CRTC1: variants seen among roughly 807,000 people sequenced by gnomAD.
The protein encoded by CRTC1 is CREB-regulated transcription coactivator 1.
A neutral mutation model predicts 66.1 loss-of-function variants in CRTC1; 18 were observed. The observed-to-expected ratio is 0.27, with a 90% CI of 0.19 to 0.40. The LOEUF (loss-of-function observed/expected upper bound fraction) is 0.40, where lower values mean the gene tolerates loss of function less well. CRTC1 is among the 10% of genes least tolerant of loss of function. CRTC1 has a pLI of 1.00. For synonymous variants in CRTC1, 416 were observed against 398.8 expected, an observed-to-expected ratio of 1.04 and a Z score of -0.51; for missense variants, 669 against 887.9, an observed-to-expected ratio of 0.75 and a Z score of 3.13.
intron 3 of CRTC1, among the ~76,000 whole-genome samples, 163 bp downstream of exon 3, chr19:18,746,123 G>GA (rs1568518779): frequency 6.6e-6 from 1 of 152,212 alleles, no homozygotes; most frequent in African/African-American, 2.4e-5. Context: ...CAGCCTGGGG[G>GA]ACTTCCTGGA....
chr19:18,714,060 A>G (rs9304955), intron 1 of CRTC1, among the ~76,000 whole-genome samples: 90,403 of 152,002 alleles, frequency 0.59, 28,589 homozygotes, highest in East Asian at 0.9. Flanking sequence ...GGGAGGGCAC[A>G]CCAGGCCCCA....
chr19:18,765,106 G>A (rs2054699204), intron 8 of CRTC1, among the ~76,000 whole-genome samples: 1 of 152,154 alleles, frequency 6.6e-6, no homozygotes, highest in South Asian at 2.1e-4. Context: ...GGCCAGCCTG[G>A]TTACATGCCC....
chr19:18,713,315 A>G (rs1346042925), intron 1 of CRTC1, among the ~76,000 whole-genome samples: 1 of 151,990 alleles, frequency 6.6e-6, no homozygotes, highest in Non-Finnish European at 1.5e-5. Flanking sequence ...GCCTGTTTCC[A>G]CCTTTTGGCT....
chr19:18,743,081 C>T (rs2054146389), intron 2 of CRTC1, 55 bp downstream of exon 2: 2 of 1,324,802 alleles, frequency 1.5e-6, no homozygotes, highest in Non-Finnish European at 2.2e-6. Context: ...CCCCAGCCTC[C>T]CACTGGGGGC....
At chr19:18,752,648 T>TC (rs2054392181) in intron 5 of CRTC1, among the ~76,000 whole-genome samples, 1 of 150,982 alleles carries the variant, frequency 6.6e-6, no homozygotes, top group East Asian at 2.0e-4. Flanking sequence ...TTTCTTTCTT[T>TC]TTTTTTTTTT....
At chr19:18,700,695 C>T (rs1740881082) in intron 1 of CRTC1, among the ~76,000 whole-genome samples, 1 of 152,156 alleles carries the variant, frequency 6.6e-6, no homozygotes, top group Admixed American at 6.5e-5. Flanking sequence ...ATCAGCACAG[C>T]CTAGCAGGGC....
Position 18,774,881 on chromosome 19 carries a change from G to T in CRTC1, c.1426-19G>T, listed in dbSNP as rs1568543743. The T allele has an allele frequency of 6.2e-7, 1 of 1,609,268 alleles. No homozygotes were observed. Among genetic ancestry groups the T allele is most frequent in the Non-Finnish European group, 8.5e-7 (1 of 1,179,412 alleles). On this transcript the variant is annotated intron_variant, in intron 11 of 13. Coordinates refer to ENST00000321949, the MANE Select transcript of CRTC1 (RefSeq NM_015321.3). ...TGGCCTCAGGCCGTGACCACAGCAG[G>T]CCTCTCTTCTGTCTGCAGCACACTT...
At position 18,749,140 on chromosome 19, in the gene CRTC1, C is replaced by T. The variant is rs56137518; in HGVS notation, c.444-641C>T. 2.0e-3 allele frequency among the ~76,000 whole-genome samples: 302 copies of T among 152,232 alleles called. 1 individual carries two copies. The highest frequency in any genetic ancestry group is 2.7e-3 in the Non-Finnish European group (183 of 68,010). ...CCCCATCAGTTCCTAGAGGGAAATG[C>T]GGTCCCTGGAGGTAGAGGGAAGAGC... On this transcript the variant is annotated intron_variant, in intron 4 of 13. Coordinates refer to ENST00000321949, the MANE Select transcript of CRTC1 (RefSeq NM_015321.3).
chr19:18,758,971 G>T (rs1229030283), intron 6 of CRTC1, among the ~76,000 whole-genome samples: 1 of 152,212 alleles, frequency 6.6e-6, no homozygotes, highest in African/African-American at 2.4e-5. Flanking sequence ...CTTAGCAGAG[G>T]CCCCTCTACT....
chr19:18,726,117 C>T (rs771469574), intron 1 of CRTC1, among the ~76,000 whole-genome samples: 7 of 152,274 alleles, frequency 4.6e-5, no homozygotes, highest in South Asian at 4.1e-4. Flanking sequence ...AACATCTTTG[C>T]GCATAAATCT....
chr19:18,735,573 C>CA (rs2053979954), intron 1 of CRTC1: 2 of 152,602 alleles, frequency 1.3e-5, no homozygotes, highest in African/African-American at 4.8e-5. Flanking sequence ...CTCTGGGCAG[C>CA]ATGGGCAGGT....
At position 18,767,934 on chromosome 19, in the gene CRTC1, CAG is replaced by C. The variant is rs749582935; in HGVS notation, c.1012-550_1012-549del. ...CCCTGGCTGTGAGTTTCCACACAGA[CAG>C]TGAACGTCACACACTTCCCTCTTAT... On this transcript the variant is annotated intron_variant, in intron 9 of 13. Transcript: ENST00000321949. Among the ~76,000 whole-genome samples, 126 of 152,362 alleles carry C rather than the reference CAG, an allele frequency of 8.3e-4. 1 individual carries two copies. Among genetic ancestry groups the C allele is most frequent in the Non-Finnish European group, 1.5e-3 (100 of 68,026 alleles).
intron 1 of CRTC1, among the ~76,000 whole-genome samples, chr19:18,717,501 C>G (rs1316453515): frequency 2.0e-5 from 3 of 152,094 alleles, no homozygotes; most frequent in Admixed American, 6.5e-5. Flanking sequence ...CAAACACTGT[C>G]CCCTCAGAAG....
At chr19:18,750,005 T>G (rs2054328424) in intron 5 of CRTC1, 130 bp downstream of exon 5, 6 of 737,068 alleles carry the variant, frequency 8.1e-6, no homozygotes, top group African/African-American at 1.7e-5. Flanking sequence ...TGCTGAGGGA[T>G]CGGGGGAGGG....
chr19:18,767,611 G>A lies in CRTC1; in HGVS notation c.1012-874G>A, dbSNP rs149780459. 5.0e-3 allele frequency among the ~76,000 whole-genome samples: 758 copies of A among 152,094 alleles called. 5 individuals are homozygous for A. Among genetic ancestry groups the A allele is most frequent in the Non-Finnish European group, 8.7e-3 (595 of 68,004 alleles). Reference sequence around the variant, plus strand: ...CGGACTCCATTTCTCCCCGCCCCTCGGCCCCCATGTCTCCTGTCTGCTTAC... The same window carrying A: ...CGGACTCCATTTCTCCCCGCCCCTCAGCCCCCATGTCTCCTGTCTGCTTAC... On this transcript the variant is annotated intron_variant, in intron 9 of 13. Transcript: ENST00000321949.
chr19:18,777,452 C>G lies in CRTC1; in HGVS notation c.*70C>G, dbSNP rs200119935. Reference sequence around the variant, plus strand: ...TCCCCAGCCCGGGGACGGCCGTGCTCCGTCCCTCGCCAACGGCCGAGCTTG... The same window carrying G: ...TCCCCAGCCCGGGGACGGCCGTGCTGCGTCCCTCGCCAACGGCCGAGCTTG... On this transcript the variant is annotated 3_prime_UTR_variant, in exon 14 of 14. Coordinates refer to ENST00000321949, the MANE Select transcript of CRTC1 (RefSeq NM_015321.3). The surrounding 1 kb of genome is among the most constrained non-coding windows in gnomAD (Gnocchi z 5.5). The G allele has an allele frequency of 9.0e-5, 124 of 1,380,800 alleles. 1 individual carries two copies. Among genetic ancestry groups the G allele is most frequent in the South Asian group, 6.2e-4 (54 of 86,546 alleles). The allele number at this position is 1,380,800 out of a possible 1,614,324, so 85.5% of individuals were successfully genotyped here.
chr19:18,730,959 C>CTCCCTCCTTCCCTCCT (rs55766461), intron 1 of CRTC1, among the ~76,000 whole-genome samples: 1 of 151,448 alleles, frequency 6.6e-6, no homozygotes, highest in Non-Finnish European at 1.5e-5. Flanking sequence ...CCTTCCCTCC[C>CTCCCTCCTTCCCTCCT]TCCCTCCTTC....
At chr19:18,736,057 C>G (rs2053990111) in intron 1 of CRTC1, among the ~76,000 whole-genome samples, 1 of 152,176 alleles carries the variant, frequency 6.6e-6, no homozygotes, top group Admixed American at 6.6e-5. Flanking sequence ...GGTTGGTTTT[C>G]AGCTGTTGAC....
At chr19:18,685,333 G>A (rs889027652) in intron 1 of CRTC1, among the ~76,000 whole-genome samples, 5 of 151,902 alleles carry the variant, frequency 3.3e-5, no homozygotes, top group Non-Finnish European at 7.4e-5. Flanking sequence ...TGTAGAGAAA[G>A]AGATGGCTGG....
Sources: gnomAD v4.1 joint callset for allele counts (sites outside exome capture counted in the v4.1 genomes callset) on GRCh38, gnomAD v4.1.1 for gene constraint, Gnocchi (gnomAD v3.1) non-coding constraint, MANE v1.5 for transcripts, NCBI Gene and HGNC (gene_info 2026-07-23, HGNC 2026-07-21) for gene names.